LRRC72: variants seen among roughly 807,000 people sequenced by gnomAD.
The protein encoded by LRRC72 is leucine rich repeat containing 72, also known as leucine-rich repeat-containing protein 72.
A neutral mutation model predicts 35.8 loss-of-function variants in LRRC72; 41 were observed. The ratio of observed to expected loss-of-function variants is 1.15; its 90% CI spans 0.89 to 1.49. LRRC72 has a LOEUF of 1.49. LRRC72 is among the 40% of genes most tolerant of loss of function. The pLI is 0.00. For missense variants in LRRC72, 389 were observed against 330.7 expected, an observed-to-expected ratio of 1.18 and a Z score of -1.37; for synonymous variants, 118 against 119.2, an observed-to-expected ratio of 0.99 and a Z score of 0.07.
intron 3 of LRRC72, among the ~76,000 whole-genome samples, chr7:16,539,292 C>T (rs1782315462): frequency 6.6e-6 from 1 of 152,108 alleles, no homozygotes; most frequent in Non-Finnish European, 1.5e-5. Context: ...GCATTGTGCC[C>T]CTGCCCTAGA....
At chr7:16,549,065 TA>T (rs1487525569) in intron 3 of LRRC72, among the ~76,000 whole-genome samples, 1 of 152,184 alleles carries the variant, frequency 6.6e-6, no homozygotes, top group Non-Finnish European at 1.5e-5. Context: ...AATGAGTAAA[TA>T]AAAACTCTAA....
At chr7:16,527,382 T>C (rs546206447) in intron 1 of LRRC72, among the ~76,000 whole-genome samples, 7 of 152,090 alleles carry the variant, frequency 4.6e-5, no homozygotes, top group Admixed American at 3.3e-4. Flanking sequence ...CTGCTGCGTA[T>C]ATAATTATAG....
intron 4 of LRRC72, among the ~76,000 whole-genome samples, chr7:16,558,175 G>C (rs769411279): frequency 2.0e-5 from 3 of 152,090 alleles, no homozygotes; most frequent in Non-Finnish European, 4.4e-5. Flanking sequence ...TGGAGGAGAT[G>C]AGTAATTTTT....
At chr7:16,555,189 A>G (rs2128336963) in intron 3 of LRRC72, among the ~76,000 whole-genome samples, 1 of 152,318 alleles carries the variant, frequency 6.6e-6, no homozygotes, top group East Asian at 1.9e-4. Flanking sequence ...TTCCAGGAGG[A>G]GTGCTGGCAT....
intron 7 of LRRC72, among the ~76,000 whole-genome samples, chr7:16,569,517 T>C (rs1259629410): frequency 2.0e-5 from 3 of 152,172 alleles, no homozygotes; most frequent in African/African-American, 7.2e-5. Context: ...ACAGTGTAAA[T>C]TGGAAAATCA....
chr7:16,579,082 G>A (rs778140365), intron 7 of LRRC72, among the ~76,000 whole-genome samples: 1 of 152,142 alleles, frequency 6.6e-6, no homozygotes, highest in Non-Finnish European at 1.5e-5. Context: ...TATACTTGAA[G>A]TTTACTAAGA....
intron 1 of LRRC72, among the ~76,000 whole-genome samples, chr7:16,531,926 T>C (rs1174727657): frequency 6.6e-6 from 1 of 152,234 alleles, no homozygotes; most frequent in Non-Finnish European, 1.5e-5. Context: ...AAGTCACTGC[T>C]GCTTGCCAAG....
chr7:16,537,137 G>C (rs2128334922), intron 2 of LRRC72: 1 of 152,538 alleles, frequency 6.6e-6, no homozygotes, highest in Middle Eastern at 3.4e-3. Context: ...GGAGAATAAA[G>C]CACTTCACAC....
At chr7:16,557,489 T>TAAATTTTCAATTAAGTAAC (rs1562746810) in intron 4 of LRRC72, 48 bp downstream of exon 4, 30 of 697,186 alleles carry the variant, frequency 4.3e-5, no homozygotes, top group Non-Finnish European at 5.8e-5. Flanking sequence ...AATTAAGTAA[T>TAAATTTTCAATTAAGTAAC]AACTTTCAAC....
At chr7:16,565,820 G>A (rs1010719735) in intron 5 of LRRC72, among the ~76,000 whole-genome samples, 25 of 152,184 alleles carry the variant, frequency 1.6e-4, no homozygotes, top group African/African-American at 5.8e-4. Flanking sequence ...GACACATTCT[G>A]AACTATGAGC....
At chr7:16,528,323 G>A (rs1274405480) in intron 1 of LRRC72, among the ~76,000 whole-genome samples, 1 of 151,958 alleles carries the variant, frequency 6.6e-6, no homozygotes, top group African/African-American at 2.4e-5. Flanking sequence ...GATCTGCACA[G>A]CTGCCCTGAT....
At chr7:16,572,343 G>A (rs1165391008) in intron 7 of LRRC72, among the ~76,000 whole-genome samples, 1 of 152,148 alleles carries the variant, frequency 6.6e-6, no homozygotes, top group East Asian at 1.9e-4. Context: ...ACCTGGCAGA[G>A]ACACAACAAC....
chr7:16,552,949 G>T (rs1011961898), intron 3 of LRRC72, among the ~76,000 whole-genome samples: 1 of 152,118 alleles, frequency 6.6e-6, no homozygotes, highest in African/African-American at 2.4e-5. Context: ...ACCTTTCTGT[G>T]CCTCAGTTTC....
At chr7:16,567,109 T>C (rs1782858645) in intron 6 of LRRC72, among the ~76,000 whole-genome samples, 1 of 152,158 alleles carries the variant, frequency 6.6e-6, no homozygotes, top group African/African-American at 2.4e-5. Flanking sequence ...TGAAAGGATG[T>C]TTCATGCTAA....
intron 3 of LRRC72, among the ~76,000 whole-genome samples, chr7:16,551,091 T>A (rs1782540192): frequency 1.3e-5 from 2 of 152,072 alleles, no homozygotes; most frequent in South Asian, 4.1e-4. Flanking sequence ...CTAAAATGGG[T>A]CATTAGGGTG....
At chr7:16,554,488 T>C (rs1782614718) in intron 3 of LRRC72, among the ~76,000 whole-genome samples, 2 of 152,202 alleles carry the variant, frequency 1.3e-5, no homozygotes, top group African/African-American at 4.8e-5. Flanking sequence ...CACTTCTTTC[T>C]TCTCCTGCAA....
intron 4 of LRRC72, among the ~76,000 whole-genome samples, chr7:16,558,583 C>A (rs1048050976): frequency 6.6e-6 from 1 of 151,942 alleles, no homozygotes; most frequent in Non-Finnish European, 1.5e-5. Context: ...GCACTCCAGC[C>A]TGGGCAACAA....
At chr7:16,550,479 TTTTC>T (rs1454616405) in intron 3 of LRRC72, among the ~76,000 whole-genome samples, 4 of 152,200 alleles carry the variant, frequency 2.6e-5, no homozygotes, top group African/African-American at 4.8e-5. Context: ...TCCTTACTCC[TTTTC>T]TTTATGTTGT....
intron 3 of LRRC72, among the ~76,000 whole-genome samples, chr7:16,542,486 T>C (rs1244214539): frequency 6.6e-6 from 1 of 152,210 alleles, no homozygotes; most frequent in Non-Finnish European, 1.5e-5. Context: ...CCTGACAACA[T>C]GGGCCCAAGG....
Sources: allele counts gnomAD v4.1 joint callset (sites outside exome capture counted in the v4.1 genomes callset), GRCh38; gene constraint gnomAD v4.1.1; transcripts MANE v1.5; gene names NCBI Gene and HGNC (gene_info 2026-07-23, HGNC 2026-07-21).